Variants in CHCHD3 observed in about 807,000 individuals in gnomAD.
CHCHD3 encodes MICOS complex subunit MIC19.
CHCHD3 carries 20 observed loss-of-function variants against 38.2 expected under a neutral mutation model. The ratio of observed to expected loss-of-function variants is 0.52; its 90% confidence interval spans 0.37 to 0.76. The LOEUF (loss-of-function observed/expected upper bound fraction) is 0.76, where lower values mean the gene tolerates loss of function less well. Ranked by LOEUF, CHCHD3 falls within the 30% of genes least tolerant of loss-of-function variation. The pLI is 0.00. For synonymous variants in CHCHD3, 82 were observed against 100.0 expected (o/e 0.82, Z 1.07); for missense variants, 245 against 279.2 (o/e 0.88, Z 0.87).
chr7:132,806,782 T>C (rs1237094109), intron 6 of CHCHD3, among the ~76,000 whole-genome samples: 2 of 151,860 alleles, frequency 1.3e-5, no homozygotes, highest in Non-Finnish European at 2.9e-5. Context: ...AAGCAGACCA[T>C]GACATTCCCA....
chr7:132,989,747 G>C lies in CHCHD3; in HGVS notation c.252-14461C>G, dbSNP rs570809741. Among the ~76,000 whole-genome samples the C allele has an allele frequency of 1.2e-4, 18 of 152,206 alleles. No homozygotes were observed. The South Asian group carries it at 3.7e-3, about 32-fold the overall frequency. On this transcript the variant is annotated intron_variant, in intron 3 of 7. Transcript: ENST00000262570. ...GAAATTCACAACCAAAACTACCTAG[G>C]AGGAAATTACACAACACCACAAAGT...
intron 4 of CHCHD3, among the ~76,000 whole-genome samples, chr7:132,902,246 G>A (rs1026628108): frequency 2.0e-5 from 3 of 152,172 alleles, no homozygotes; most frequent in African/African-American, 7.2e-5. Context: ...CAACCACTGT[G>A]GAAGACAGTG....
intron 3 of CHCHD3, among the ~76,000 whole-genome samples, chr7:133,020,357 G>A (rs1257225698): frequency 6.6e-6 from 1 of 152,060 alleles, no homozygotes; most frequent in African/African-American, 2.4e-5. Flanking sequence ...ATTTAGGAGT[G>A]GAGATTTAAT....
chr7:132,981,162 TG>T (rs796913969), intron 3 of CHCHD3, among the ~76,000 whole-genome samples: 19 of 151,058 alleles, frequency 1.3e-4, no homozygotes, highest in Admixed American at 1.1e-3. Context: ...ATTTTTGGGT[TG>T]TTTTTTTTTT....
chr7:132,903,343 T>C (rs954253368), intron 4 of CHCHD3, among the ~76,000 whole-genome samples: 5 of 152,188 alleles, frequency 3.3e-5, no homozygotes, highest in African/African-American at 7.2e-5. Context: ...GGGGTTTTTT[T>C]CTGAATATTT....
chr7:132,834,392 C>G (rs951831929), intron 6 of CHCHD3, among the ~76,000 whole-genome samples: 6 of 152,146 alleles, frequency 3.9e-5, no homozygotes, highest in Non-Finnish European at 8.8e-5. Flanking sequence ...GAAAGCCACT[C>G]CCTAAAAAAC....
chr7:133,048,141 TAA>T (rs201731222), intron 2 of CHCHD3, among the ~76,000 whole-genome samples: 2 of 136,950 alleles, frequency 1.5e-5, no homozygotes, highest in African/African-American at 2.7e-5. Flanking sequence ...CTAGGTTAAA[TAA>T]AAAAAAAAAA....
rs898778200 is a variant in CHCHD3 at position 132,928,465 on chromosome 7, G to C, written c.370-42720C>G. On this transcript the variant is annotated intron_variant, in intron 4 of 7. Coordinates refer to ENST00000262570, the MANE Select transcript of CHCHD3 (RefSeq NM_017812.4). ...TAATCCCAGCACTTCGGGAGGCCAA[G>C]GTGGGTGGATCACCTGAGGTCAGGA... 3.9e-5 allele frequency among the ~76,000 whole-genome samples: 6 copies of C among 152,228 alleles called. No individual in the cohort carries two copies. The East Asian group carries it at 1.2e-3, about 29-fold the overall frequency.
intron 1 of CHCHD3, among the ~76,000 whole-genome samples, chr7:133,074,978 T>C (rs1413175815): frequency 6.6e-6 from 1 of 152,192 alleles, no homozygotes. Context: ...GGTCTGAGCT[T>C]GTACTGACTC....
Position 132,883,309 on chromosome 7 carries a change from A to G in CHCHD3, c.453+2353T>C, listed in dbSNP as rs115243782. ...TGCTACATACTATTACAGGTGCTTT[A>G]TGAGTATTAGCTCATTTAACAAGTG... On this transcript the variant is annotated intron_variant, in intron 5 of 7. Coordinates refer to ENST00000262570, the MANE Select transcript of CHCHD3 (RefSeq NM_017812.4). Among the ~76,000 whole-genome samples the G allele has an allele frequency of 5.3e-3, 813 of 152,334 alleles. 9 individuals are homozygous for G. The highest frequency in any genetic ancestry group is 0.019 in the African/African-American group (780 of 41,574).
chr7:132,970,243 G>A (rs1811580149), intron 4 of CHCHD3, among the ~76,000 whole-genome samples: 1 of 152,124 alleles, frequency 6.6e-6, no homozygotes, highest in East Asian at 1.9e-4. Context: ...CCTCAACCTT[G>A]GGAGCAAATC....
intron 3 of CHCHD3, among the ~76,000 whole-genome samples, chr7:132,983,285 T>C (rs1032642747): frequency 1.3e-5 from 2 of 152,156 alleles, no homozygotes; most frequent in African/African-American, 4.8e-5. Context: ...ATCACGCCAT[T>C]GCACTCCAGC....
At chr7:132,973,015 C>A (rs1811650056) in intron 4 of CHCHD3, 4 of 985,306 alleles carry the variant, frequency 4.1e-6, no homozygotes, top group Non-Finnish European at 4.8e-6. Context: ...TGTTGAGTAA[C>A]AAATCTTTTG....
intron 4 of CHCHD3, among the ~76,000 whole-genome samples, chr7:132,966,606 C>T (rs1022939277): frequency 6.6e-6 from 1 of 152,114 alleles, no homozygotes; most frequent in Non-Finnish European, 1.5e-5. Flanking sequence ...CAATGTAATA[C>T]TGAATTCACT....
chr7:132,958,580 G>A (rs1415177757), intron 4 of CHCHD3, among the ~76,000 whole-genome samples: 1 of 152,128 alleles, frequency 6.6e-6, no homozygotes, highest in Non-Finnish European at 1.5e-5. Flanking sequence ...AGATACATTT[G>A]TTACTTGGTT....
In CHCHD3 at chr7:133,035,321, G is replaced by GA. The variant is rs760391299; in HGVS notation, c.170-10695dup. On this transcript the variant is annotated intron_variant, in intron 2 of 7. Transcript: ENST00000262570. The surrounding 1 kb of genome is among the most constrained non-coding windows in gnomAD (Gnocchi z 4.7). ...GTTTCAGTTCCCCCAAGACAGCCCG[G>GA]AACTGGGGCTGGTTAATGCAGGTGA... 1.9e-5 allele frequency: 30 copies of GA among 1,610,222 alleles called. No individual in the cohort carries two copies. Among genetic ancestry groups the GA allele is most frequent in the Non-Finnish European group, 2.5e-5 (29 of 1,176,638 alleles).
chr7:132,971,854 G>A (rs1272444284), intron 4 of CHCHD3, among the ~76,000 whole-genome samples: 1 of 152,172 alleles, frequency 6.6e-6, no homozygotes, highest in Non-Finnish European at 1.5e-5. Context: ...AATTAAGAAT[G>A]GCAGCAATAG....
At chr7:133,047,586 T>C (rs569028725) in intron 2 of CHCHD3, among the ~76,000 whole-genome samples, 51 of 152,266 alleles carry the variant, frequency 3.3e-4, no homozygotes, top group African/African-American at 1.1e-3. Flanking sequence ...CAATCACAGA[T>C]CAAATTACAG....
intron 1 of CHCHD3, among the ~76,000 whole-genome samples, chr7:133,081,389 G>A (rs1057484855): frequency 4.6e-5 from 7 of 152,040 alleles, no homozygotes; most frequent in Admixed American, 1.3e-4. Context: ...GGTGGGAGGA[G>A]GGGGTGTTAT....
Sources: allele counts gnomAD v4.1 joint callset (sites outside exome capture counted in the v4.1 genomes callset), GRCh38; gene constraint gnomAD v4.1.1; non-coding constraint Gnocchi (gnomAD v3.1); transcripts MANE v1.5; gene names NCBI Gene and HGNC (gene_info 2026-07-23, HGNC 2026-07-21).